The following HCRTR2 variants were observed in gnomAD, a reference collection of about 807,000 sequenced individuals.
HCRTR2 encodes the protein hypocretin receptor 2.
In HCRTR2, 22 loss-of-function variants were observed where a neutral mutation model predicts 49.0. The ratio of observed to expected loss-of-function variants is 0.45; its 90% CI spans 0.32 to 0.64. HCRTR2 has a LOEUF of 0.64. Among genes scored for constraint, HCRTR2 ranks in the 30% least tolerant of loss-of-function variants. HCRTR2 has a pLI of 0.04. For missense variants in HCRTR2, 491 were observed against 559.4 expected (o/e 0.88, Z 1.23); for synonymous variants, 236 against 205.3 (o/e 1.15, Z -1.28).
chr6:55,116,853 T>G (rs1234415616), intron 1 of HCRTR2, among the ~76,000 whole-genome samples: 3 of 151,688 alleles, frequency 2.0e-5, no homozygotes, highest in African/African-American at 4.8e-5. Flanking sequence ...GAACTCTAAT[T>G]TGTGGTAAAA....
At chr6:55,128,489 T>C (rs545719415) in intron 1 of HCRTR2, among the ~76,000 whole-genome samples, 3 of 152,338 alleles carry the variant, frequency 2.0e-5, no homozygotes, top group Admixed American at 6.5e-5. Flanking sequence ...AGGAATAGCA[T>C]TGAATCTATA....
chr6:55,245,469 T>TATATATA lies in HCRTR2; in HGVS notation c.224-3170_224-3169insATATATA, dbSNP rs1562020342. 8.6e-3 allele frequency among the ~76,000 whole-genome samples: 489 copies of TATATATA among 56,730 alleles called. 19 individuals carry two copies. The highest frequency in any genetic ancestry group is 0.022 in the African/African-American group (381 of 17,598). The allele number at this position is 56,730 out of a possible 152,430, so 37.2% of individuals were successfully genotyped here. Reference sequence around the variant, plus strand: ...TACACATAGAATACATAGGAAGATTTTATATATATATATATATATATATAT... The same window carrying TATATATA: ...TACACATAGAATACATAGGAAGATTTATATATATATATATATATATATATATATATAT... On this transcript the variant is annotated intron_variant, in intron 1 of 6. Transcript: ENST00000370862.
intron 1 of HCRTR2, among the ~76,000 whole-genome samples, chr6:55,155,730 T>A (rs981039241): frequency 1.3e-5 from 2 of 152,030 alleles, no homozygotes; most frequent in African/African-American, 4.8e-5. Flanking sequence ...GAAGTTAATT[T>A]TCAAGGTGAC....
intron 3 of HCRTR2, among the ~76,000 whole-genome samples, chr6:55,261,262 A>G (rs1041335733): frequency 1.3e-5 from 2 of 152,188 alleles, no homozygotes; most frequent in African/African-American, 2.4e-5. Flanking sequence ...AAACAATCTT[A>G]TCAAAAGTTG....
chr6:55,140,207 CCTGT>C (rs1400684439), intron 1 of HCRTR2, among the ~76,000 whole-genome samples: 4 of 152,056 alleles, frequency 2.6e-5, no homozygotes, highest in Non-Finnish European at 4.4e-5. Context: ...CCACAATCTC[CCTGT>C]CTTTTATTTT....
chr6:55,243,887 G>A (rs1424618296), intron 1 of HCRTR2, among the ~76,000 whole-genome samples: 1 of 152,134 alleles, frequency 6.6e-6, no homozygotes, highest in Non-Finnish European at 1.5e-5. Flanking sequence ...AAGAAGTCAT[G>A]TTAATTTAGG....
At position 55,239,559 on chromosome 6, in the gene HCRTR2, T is replaced by C. The variant is rs142969567; in HGVS notation, c.224-9080T>C. On this transcript the variant is annotated intron_variant, in intron 1 of 6. Transcript: ENST00000370862. ...TTTCAAGACAAATTATTAATTGTGA[T>C]ATATTAATTATTCTCCACTGTACCT... is the stretch of plus-strand genomic sequence containing the variant. 3.2e-3 allele frequency among the ~76,000 whole-genome samples: 487 copies of C among 152,316 alleles called. 3 individuals are homozygous for C. Among genetic ancestry groups the C allele is most frequent in the African/African-American group, 0.011 (471 of 41,560 alleles).
chr6:55,214,232 A>C (rs189063105), intron 1 of HCRTR2, among the ~76,000 whole-genome samples: 1 of 151,524 alleles, frequency 6.6e-6, no homozygotes, highest in Non-Finnish European at 1.5e-5. Context: ...TTGCAAAAAA[A>C]GAATAGAGGC....
chr6:55,161,753 G>A (rs1764808742), intron 1 of HCRTR2, among the ~76,000 whole-genome samples: 2 of 152,114 alleles, frequency 1.3e-5, no homozygotes, highest in East Asian at 3.9e-4. Flanking sequence ...TAAATTCCTG[G>A]ACACATACAC....
At chr6:55,125,203 A>G (rs1581784629) in intron 1 of HCRTR2, among the ~76,000 whole-genome samples, 1 of 152,154 alleles carries the variant, frequency 6.6e-6, no homozygotes. Flanking sequence ...GTTTCTTCAT[A>G]GTGTTGATGG....
intron 1 of HCRTR2, among the ~76,000 whole-genome samples, chr6:55,150,572 A>T (rs979267636): frequency 1.3e-5 from 2 of 152,020 alleles, no homozygotes; most frequent in African/African-American, 4.8e-5. Context: ...TATTTCTTGT[A>T]TAAGTGGGAT....
chr6:55,239,555 G>A (rs925843174), intron 1 of HCRTR2, among the ~76,000 whole-genome samples: 1 of 152,094 alleles, frequency 6.6e-6, no homozygotes, highest in Non-Finnish European at 1.5e-5. Flanking sequence ...ATTATTAATT[G>A]TGATATATTA....
chr6:55,208,569 A>T (rs536965319), intron 1 of HCRTR2, among the ~76,000 whole-genome samples: 2 of 152,140 alleles, frequency 1.3e-5, no homozygotes, highest in African/African-American at 4.8e-5. Context: ...ATCCTGCAAG[A>T]TTATGTCTTT....
chr6:55,172,213 A>C (rs571276391), upstream of HCRTR2, among the ~76,000 whole-genome samples: 2 of 152,326 alleles, frequency 1.3e-5, no homozygotes, highest in South Asian at 4.1e-4. Flanking sequence ...TAATATATGC[A>C]CATATCAATT....
chr6:55,256,853 C>G (rs1473145045), intron 3 of HCRTR2, among the ~76,000 whole-genome samples: 2 of 152,060 alleles, frequency 1.3e-5, no homozygotes, highest in Non-Finnish European at 2.9e-5. Flanking sequence ...CGGGAGCACA[C>G]TCTATATAAT....
intron 1 of HCRTR2, among the ~76,000 whole-genome samples, chr6:55,121,029 G>C (rs1462086949): frequency 1.3e-5 from 2 of 152,058 alleles, no homozygotes; most frequent in East Asian, 3.9e-4. Context: ...TTGGTAGCTT[G>C]ATGCGGATGG....
chr6:55,174,948 A>AAATAAT (rs201009789), intron 1 of HCRTR2, 138 bp downstream of exon 1: 1 of 647,424 alleles, frequency 1.5e-6, no homozygotes, highest in African/African-American at 1.8e-5. Context: ...TTTTCTAATA[A>AAATAAT]AATAATAATA....
chr6:55,264,011 A>G, intron 4 of HCRTR2, 189 bp downstream of exon 4: 2 of 570,550 alleles, frequency 3.5e-6, no homozygotes, highest in Non-Finnish European at 6.2e-6. Flanking sequence ...AGTAATGAGA[A>G]CCCAGACATA....
At chr6:55,269,817 G>C (rs1395091794) in intron 4 of HCRTR2, among the ~76,000 whole-genome samples, 1 of 152,044 alleles carries the variant, frequency 6.6e-6, no homozygotes, top group Non-Finnish European at 1.5e-5. Context: ...AAATGAGCCA[G>C]GCATGGTGGT....
Sources: gnomAD v4.1 joint callset for allele counts (sites outside exome capture counted in the v4.1 genomes callset) on GRCh38, gnomAD v4.1.1 for gene constraint, MANE v1.5 for transcripts, NCBI Gene and HGNC (gene_info 2026-07-23, HGNC 2026-07-21) for gene names.